Variants in CNTN4 observed in about 807,000 individuals in gnomAD.
The protein encoded by CNTN4 is contactin-4.
A neutral mutation model predicts 122.5 loss-of-function variants in CNTN4; 77 were observed. The ratio of observed to expected loss-of-function variants is 0.63; its 90% CI spans 0.52 to 0.76. The LOEUF (loss-of-function observed/expected upper bound fraction) is 0.76, where lower values mean the gene tolerates loss of function less well. Among genes scored for constraint, CNTN4 ranks in the 30% least tolerant of loss-of-function variants. The pLI, the probability that CNTN4 is intolerant of heterozygous loss-of-function variation, is 0.00. For synonymous variants in CNTN4, 512 were observed against 447.0 expected (o/e 1.15, Z -1.83); for missense variants, 1,256 against 1,259.1 (o/e 1.00, Z 0.04).
intron 7 of CNTN4, among the ~76,000 whole-genome samples, chr3:2,849,195 C>T (rs1224906170): frequency 1.3e-5 from 2 of 152,146 alleles, no homozygotes; most frequent in Non-Finnish European, 1.5e-5. Flanking sequence ...GAATATATCC[C>T]ACTATGTCCC....
At chr3:2,995,114 C>T (rs1462151464) in intron 14 of CNTN4, among the ~76,000 whole-genome samples, 2 of 152,094 alleles carry the variant, frequency 1.3e-5, no homozygotes, top group Admixed American at 6.6e-5. Flanking sequence ...AGTAGAAGAA[C>T]ATCTGGCCAG....
chr3:2,866,753 G>A lies in CNTN4; in HGVS notation c.456G>A (p.Glu152=), dbSNP rs763565870. Residue 152 remains glutamate, a splice_region_variant and synonymous_variant, in exon 8 of 25, where the codon GAG becomes GAA. Coordinates refer to ENST00000418658, the MANE Select transcript of CNTN4 (RefSeq NM_175607.3). Reference sequence around the variant, plus strand: ...TAATGAAGATTTTTTTCCTTTCAGAGCTGAGTTATGCCTGGATCTTCAATG... The same window carrying A: ...TAATGAAGATTTTTTTCCTTTCAGAACTGAGTTATGCCTGGATCTTCAATG... ...LLCGPPPHSG[E]LSYAWIFNEY... 9.9e-6 allele frequency: 16 copies of A among 1,613,568 alleles called. No individual in the cohort carries two copies. The highest frequency in any genetic ancestry group is 1.3e-5 in the African/African-American group (1 of 74,896).
chr3:2,765,561 T>C (rs1450232883), intron 6 of CNTN4, among the ~76,000 whole-genome samples: 1 of 152,204 alleles, frequency 6.6e-6, no homozygotes, highest in African/African-American at 2.4e-5. Context: ...TGTGTATTTT[T>C]AATTTTGCTT....
At chr3:2,721,081 C>T (rs941448997) in intron 4 of CNTN4, among the ~76,000 whole-genome samples, 3 of 152,124 alleles carry the variant, frequency 2.0e-5, no homozygotes, top group East Asian at 3.9e-4. Context: ...CAGCAATTCT[C>T]GTGTCTCAGC....
Position 2,720,919 on chromosome 3 carries a change from C to T in CNTN4, c.56-15296C>T, listed in dbSNP as rs149422962. 2.0e-5 allele frequency among the ~76,000 whole-genome samples: 3 copies of T among 152,260 alleles called. No individual in the cohort carries two copies. In the East Asian group the frequency reaches 5.8e-4, roughly 29 times the overall value. ...AGTGGTAGAGCTGAGATTTTGAACC[C>T]AGGCACTGTGGTTTTGACCCCTATA... On this transcript the variant is annotated intron_variant, in intron 4 of 24. Coordinates refer to ENST00000418658, the MANE Select transcript of CNTN4 (RefSeq NM_175607.3).
chr3:2,398,804 G>A (rs1157602597), intron 3 of CNTN4, among the ~76,000 whole-genome samples: 1 of 152,082 alleles, frequency 6.6e-6, no homozygotes, highest in Non-Finnish European at 1.5e-5. Flanking sequence ...CAAATGATGG[G>A]GCTCATTCTC....
intron 7 of CNTN4, among the ~76,000 whole-genome samples, chr3:2,862,275 T>A (rs990922711): frequency 1.3e-5 from 2 of 152,224 alleles, no homozygotes; most frequent in African/African-American, 4.8e-5. Flanking sequence ...AGAATTCTGA[T>A]TGATCATTTG....
chr3:2,191,849 A>G (rs1442234739), intron 2 of CNTN4, among the ~76,000 whole-genome samples: 1 of 152,024 alleles, frequency 6.6e-6, no homozygotes, highest in South Asian at 2.1e-4. Flanking sequence ...CATTTACATT[A>G]GGTATATCTC....
chr3:2,907,383 G>A (rs1035746123), intron 12 of CNTN4, among the ~76,000 whole-genome samples: 8 of 152,106 alleles, frequency 5.3e-5, no homozygotes, highest in African/African-American at 1.9e-4. Flanking sequence ...GAACAGCCTG[G>A]CCACCATGGC....
chr3:2,984,682 G>A (rs185295382), intron 13 of CNTN4, among the ~76,000 whole-genome samples: 2 of 152,258 alleles, frequency 1.3e-5, no homozygotes, highest in Admixed American at 1.3e-4. Flanking sequence ...TGATACAGGC[G>A]ATGGCTTTAG....
chr3:2,663,368 G>T (rs767914725), intron 4 of CNTN4, among the ~76,000 whole-genome samples: 9 of 152,142 alleles, frequency 5.9e-5, no homozygotes, highest in Non-Finnish European at 1.2e-4. Context: ...GGGACCCAGT[G>T]AATGTAAAAA....
chr3:2,972,245 G>C (rs539749658), intron 13 of CNTN4, among the ~76,000 whole-genome samples: 22 of 151,950 alleles, frequency 1.4e-4, no homozygotes, highest in Non-Finnish European at 2.4e-4. Context: ...TTCTTATATA[G>C]CACTGTAACA....
chr3:3,042,052 C>G (rs1456919245), intron 20 of CNTN4, among the ~76,000 whole-genome samples: 2 of 152,184 alleles, frequency 1.3e-5, no homozygotes, highest in Admixed American at 1.3e-4. Context: ...GAATTGCTGG[C>G]TATGAAAACT....
chr3:2,868,149 G>A (rs553942962), intron 8 of CNTN4, among the ~76,000 whole-genome samples: 2 of 152,256 alleles, frequency 1.3e-5, no homozygotes, highest in African/African-American at 4.8e-5. Context: ...AACATTAATA[G>A]GAAACATCTA....
At chr3:2,906,063 C>G (rs1316344341) in intron 12 of CNTN4, among the ~76,000 whole-genome samples, 1 of 152,134 alleles carries the variant, frequency 6.6e-6, no homozygotes, top group African/African-American at 2.4e-5. Context: ...TGGAGGACAT[C>G]GTGCTGTGTG....
At chr3:2,994,880 A>G (rs979536834) in intron 14 of CNTN4, among the ~76,000 whole-genome samples, 1 of 152,298 alleles carries the variant, frequency 6.6e-6, no homozygotes, top group East Asian at 1.9e-4. Flanking sequence ...GTAACATACA[A>G]TGACGGTTGG....
intron 2 of CNTN4, among the ~76,000 whole-genome samples, chr3:2,115,764 G>T (rs1341341807): frequency 6.6e-6 from 1 of 152,170 alleles, no homozygotes; most frequent in Non-Finnish European, 1.5e-5. Context: ...TCTTTTAAAA[G>T]CTTGTGCCTT....
chr3:2,894,328 T>C (rs7627361), intron 10 of CNTN4, among the ~76,000 whole-genome samples: 4,382 of 152,270 alleles, frequency 0.029, 203 homozygotes, highest in African/African-American at 0.1. Flanking sequence ...TTAAGAAGGA[T>C]ACATTCAAAA....
intron 3 of CNTN4, among the ~76,000 whole-genome samples, chr3:2,405,891 G>C (rs1385882862): frequency 6.6e-6 from 1 of 151,998 alleles, no homozygotes; most frequent in Non-Finnish European, 1.5e-5. Context: ...TCTGGGTGTG[G>C]TGGTGCATGC....
Sources: allele counts gnomAD v4.1 joint callset (sites outside exome capture counted in the v4.1 genomes callset), GRCh38; gene constraint gnomAD v4.1.1; transcripts MANE v1.5; gene names NCBI Gene and HGNC (gene_info 2026-07-23, HGNC 2026-07-21).